The following CYRIB variants were observed in gnomAD, a reference collection of about 807,000 sequenced individuals.
The protein encoded by CYRIB is CYFIP related Rac1 interactor B.
Under a neutral mutation model 44.2 loss-of-function variants are expected in CYRIB, and 8 were observed. The ratio of observed to expected loss-of-function variants is 0.18; its 90% CI spans 0.11 to 0.33. The LOEUF is 0.33. CYRIB is among the 10% of genes least tolerant of loss of function. The pLI, the probability that CYRIB is intolerant of heterozygous loss-of-function variation, is 1.00. For missense variants in CYRIB, 185 were observed against 382.8 expected, an observed-to-expected ratio of 0.48 and a Z score of 4.31; for synonymous variants, 131 against 127.2, an observed-to-expected ratio of 1.03 and a Z score of -0.20.
At chr8:129,859,343 G>A (rs1009559359) in intron 5 of CYRIB, among the ~76,000 whole-genome samples, 1 of 152,190 alleles carries the variant, frequency 6.6e-6, no homozygotes, top group Non-Finnish European at 1.5e-5. Context: ...AGGCGGACTA[G>A]GAGCGCGACC....
At chr8:129,866,503 A>T (rs553081465) in intron 4 of CYRIB, among the ~76,000 whole-genome samples, 357 of 151,698 alleles carry the variant, frequency 2.4e-3, no homozygotes, top group Non-Finnish European at 3.8e-3. Context: ...CTAAAAAAAA[A>T]AATAATAATA....
At chr8:129,964,815 G>A (rs1489729566) in intron 2 of CYRIB, among the ~76,000 whole-genome samples, 2 of 152,190 alleles carry the variant, frequency 1.3e-5, no homozygotes, top group Admixed American at 1.3e-4. Context: ...GCAGTGAGCC[G>A]TGATCGTGCC....
chr8:129,945,729 C>T (rs746289628), intron 2 of CYRIB, among the ~76,000 whole-genome samples: 5 of 152,148 alleles, frequency 3.3e-5, no homozygotes, highest in East Asian at 1.9e-4. Context: ...TGAGCCACCA[C>T]ACCTGGCTAA....
chr8:129,893,636 C>T (rs1056946142), intron 2 of CYRIB, among the ~76,000 whole-genome samples: 1 of 152,062 alleles, frequency 6.6e-6, no homozygotes, highest in African/African-American at 2.4e-5. Flanking sequence ...GTGCAGTTGA[C>T]CTCCCAACCT....
chr8:129,955,442 C>G (rs73710978), intron 2 of CYRIB, among the ~76,000 whole-genome samples: 5,526 of 152,082 alleles, frequency 0.036, 324 homozygotes, highest in African/African-American at 0.12. Flanking sequence ...ACACCTTCCA[C>G]AACACTCCCA....
upstream of CYRIB, chr8:129,939,838 G>T (rs181955988): frequency 6.6e-6 from 1 of 152,414 alleles, no homozygotes; most frequent in African/African-American, 2.4e-5. Flanking sequence ...ACGACGGGGA[G>T]GGGGAGGAGG....
intron 2 of CYRIB, among the ~76,000 whole-genome samples, chr8:129,902,531 T>C (rs1373859947): frequency 6.6e-6 from 1 of 152,108 alleles, no homozygotes; most frequent in Non-Finnish European, 1.5e-5. Flanking sequence ...TGTTTTTGTT[T>C]TTAGAGACAG....
At chr8:129,958,081 C>T (rs1048221605) in intron 2 of CYRIB, among the ~76,000 whole-genome samples, 46 of 151,976 alleles carry the variant, frequency 3.0e-4, no homozygotes, top group Non-Finnish European at 7.4e-5. Context: ...CGCTTGAACC[C>T]GAGAGATGGA....
At chr8:130,003,184 C>T (rs1013439934) in intron 1 of CYRIB, among the ~76,000 whole-genome samples, 1 of 152,232 alleles carries the variant, frequency 6.6e-6, no homozygotes, top group African/African-American at 2.4e-5. Flanking sequence ...TGCCACTACA[C>T]TCCAGCCTAG....
intron 1 of CYRIB, among the ~76,000 whole-genome samples, chr8:130,008,054 C>T (rs539918542): frequency 6.6e-6 from 1 of 151,766 alleles, no homozygotes. Flanking sequence ...ACTAAAAGTA[C>T]AAAAATTAGC....
intron 1 of CYRIB, among the ~76,000 whole-genome samples, chr8:129,991,570 G>C (rs1171706345): frequency 6.6e-6 from 1 of 152,078 alleles, no homozygotes; most frequent in African/African-American, 2.4e-5. Context: ...CACAGCCTTA[G>C]GACTCTGCAG....
chr8:129,953,797 G>T (rs2094629435), intron 2 of CYRIB, among the ~76,000 whole-genome samples: 1 of 152,132 alleles, frequency 6.6e-6, no homozygotes, highest in Admixed American at 6.5e-5. Context: ...AAGACAAGGA[G>T]GTAAGATTGA....
chr8:129,952,143 T>A (rs1226973745), intron 2 of CYRIB, among the ~76,000 whole-genome samples: 1 of 152,248 alleles, frequency 6.6e-6, no homozygotes, highest in East Asian at 1.9e-4. Flanking sequence ...CCTCCCAGGT[T>A]CAAGCGATTC....
chr8:129,906,121 CA>C (rs1327549065), intron 1 of CYRIB, among the ~76,000 whole-genome samples: 1 of 151,864 alleles, frequency 6.6e-6, no homozygotes, highest in Non-Finnish European at 1.5e-5. Flanking sequence ...CATATGGAAC[CA>C]AAAAAGAGCC....
intron 4 of CYRIB, 143 bp from the exon 7 acceptor site, chr8:129,862,477 A>T (rs1564257016): frequency 1.6e-5 from 9 of 579,506 alleles, no homozygotes; most frequent in African/African-American, 3.9e-5. Flanking sequence ...AGTGTTGAAT[A>T]TTTTTTTTTT....
At chr8:129,930,365 T>TTTTTTATATATATATATATATA (rs369665802) in intron 1 of CYRIB, among the ~76,000 whole-genome samples, 1 of 50,438 alleles carries the variant, frequency 2.0e-5, no homozygotes, top group Non-Finnish European at 4.0e-5. Flanking sequence ...TGTGAAGTGC[T>TTTTTTATATATATATATATATA]TATATATATA....
chr8:129,933,034 C>T (rs975946917), intron 1 of CYRIB, among the ~76,000 whole-genome samples: 1 of 152,144 alleles, frequency 6.6e-6, no homozygotes, highest in Non-Finnish European at 1.5e-5. Context: ...GGGCAACAAG[C>T]CCCATGGTCC....
At chr8:130,015,470 C>G (rs866283813) in intron 1 of CYRIB, among the ~76,000 whole-genome samples, 2 of 152,296 alleles carry the variant, frequency 1.3e-5, no homozygotes, top group Non-Finnish European at 1.5e-5. Context: ...GGTCACACAG[C>G]TAGTAAGCGG....
Position 129,920,647 on chromosome 8 carries a change from T to C in CYRIB, c.-49-17297A>G, listed in dbSNP as rs187252935. Among the ~76,000 whole-genome samples, 106 of 152,254 alleles carry C rather than the reference T, an allele frequency of 7.0e-4. 2 individuals carry two copies. Among genetic ancestry groups the C allele is most frequent in the Non-Finnish European group, 2.4e-4 (16 of 67,970 alleles). On this transcript the variant is annotated intron_variant, in intron 1 of 11. Transcript: ENST00000519824. ...GGTATTTCAGACTGGAAAAGATAAA[T>C]AAAATTTGATTTTAAAATAAATTCT...
Sources: gnomAD v4.1 joint callset for allele counts (sites outside exome capture counted in the v4.1 genomes callset) on GRCh38, gnomAD v4.1.1 for gene constraint, MANE v1.5 for transcripts, NCBI Gene and HGNC (gene_info 2026-07-23, HGNC 2026-07-21) for gene names.